The following COG6 variants were observed in gnomAD, a reference collection of about 807,000 sequenced individuals.
COG6 encodes the protein conserved oligomeric Golgi complex subunit 6.
COG6 carries 74 observed loss-of-function variants against 88.8 expected under a neutral mutation model. The observed-to-expected ratio is 0.83, with a 90% CI of 0.69 to 1.01. COG6 has a LOEUF of 1.01. Among genes scored for constraint, COG6 ranks in the 50% least tolerant of loss-of-function variants. COG6 has a pLI of 0.00. For missense variants in COG6, 800 were observed against 797.9 expected (o/e 1.00, Z -0.03); for synonymous variants, 286 against 278.7 (o/e 1.03, Z -0.26).
rs1486027140 is a variant in COG6 at position 39,683,492 on chromosome 13, A to C, written c.788+1228A>C. Among the ~76,000 whole-genome samples, 4 of 152,190 alleles carry C rather than the reference A, an allele frequency of 2.6e-5. No individual in the cohort carries two copies. In the East Asian group the frequency reaches 5.8e-4, roughly 22 times the overall value. ...TTAATTGTAAAAGCTTGCACTGGCT[A>C]TTGAATTAGGAGCAACAGCTGGATC... is the stretch of plus-strand genomic sequence containing the variant. On this transcript the variant is annotated intron_variant, in intron 8 of 18. Coordinates refer to ENST00000455146, the MANE Select transcript of COG6 (RefSeq NM_020751.3).
intron 3 of COG6, among the ~76,000 whole-genome samples, chr13:39,664,824 A>G (rs985114680): frequency 6.6e-5 from 10 of 152,190 alleles, no homozygotes; most frequent in Admixed American, 1.3e-4. Flanking sequence ...CTGTTGCACT[A>G]AAAAGCATCA....
rs202115825 is a variant in COG6, at chr13:39,730,689, G to A, written c.1826+3141G>A. Among the ~76,000 whole-genome samples the A allele has an allele frequency of 5.1e-5, 7 of 136,998 alleles. No individual in the cohort carries two copies. In the South Asian group the frequency reaches 9.3e-4, roughly 18 times the overall value. The allele number at this position is 136,998 out of a possible 152,430, so 89.9% of individuals were successfully genotyped here. On this transcript the variant is annotated intron_variant, in intron 18 of 18. Transcript: ENST00000455146. ...CTTAGGAGGCTGAGGCAGGAGAATC[G>A]CTTGAACCCGGGAGGTGGAGGTTGC... is the stretch of plus-strand genomic sequence containing the variant.
At chr13:39,729,707 T>A (rs1470731210) in intron 18 of COG6, among the ~76,000 whole-genome samples, 1 of 152,202 alleles carries the variant, frequency 6.6e-6, no homozygotes, top group Non-Finnish European at 1.5e-5. Context: ...ATAAAACATT[T>A]ATTACATACT....
downstream of COG6, among the ~76,000 whole-genome samples, chr13:39,755,416 T>C (rs952108693): frequency 4.6e-5 from 7 of 152,116 alleles, no homozygotes; most frequent in African/African-American, 9.7e-5. Flanking sequence ...TTGCCTGTTA[T>C]GGAACTCACC....
chr13:39,730,739 C>T (rs200341587), intron 18 of COG6, among the ~76,000 whole-genome samples: 1 of 130,128 alleles, frequency 7.7e-6, no homozygotes, highest in Admixed American at 8.1e-5. Context: ...GCACCACTGC[C>T]CTCCAGCCTG....
At chr13:39,709,647 T>C (rs780742743) in intron 13 of COG6, among the ~76,000 whole-genome samples, 1 of 152,074 alleles carries the variant, frequency 6.6e-6, no homozygotes, top group Non-Finnish European at 1.5e-5. Flanking sequence ...TATTCCATGG[T>C]GTGAGTGTAT....
intron 13 of COG6, among the ~76,000 whole-genome samples, chr13:39,705,381 G>C (rs781688799): frequency 1.5e-4 from 23 of 152,206 alleles, no homozygotes; most frequent in Non-Finnish European, 3.1e-4. Context: ...AAAGCAGTTT[G>C]AAGCACTTGA....
intron 17 of COG6, among the ~76,000 whole-genome samples, chr13:39,725,632 A>G (rs1358174630): frequency 1.3e-5 from 2 of 151,898 alleles, no homozygotes; most frequent in African/African-American, 4.8e-5. Context: ...TGAGACAAAT[A>G]AGAAACATTA....
chr13:39,704,735 A>G (rs1393836158), intron 13 of COG6, among the ~76,000 whole-genome samples: 3 of 152,196 alleles, frequency 2.0e-5, no homozygotes, highest in African/African-American at 7.2e-5. Flanking sequence ...GAAAATGAGG[A>G]AAGAAAGTAA....
At chr13:39,665,186 A>G in intron 4 of COG6, 32 bp downstream of exon 4, 3 of 1,211,474 alleles carry the variant, frequency 2.5e-6, no homozygotes, top group Non-Finnish European at 2.5e-6. Context: ...CACCTTTTCA[A>G]TAATTTGGAG....
intron 18 of COG6, among the ~76,000 whole-genome samples, chr13:39,758,300 C>T (rs1449814049): frequency 6.6e-6 from 1 of 150,800 alleles, no homozygotes; most frequent in Non-Finnish European, 1.5e-5. Flanking sequence ...GAGAAGATTG[C>T]TGGAGGCCAG....
chr13:39,671,267 T>A (rs1282000552), intron 4 of COG6, among the ~76,000 whole-genome samples: 1 of 151,974 alleles, frequency 6.6e-6, no homozygotes, highest in Non-Finnish European at 1.5e-5. Context: ...TTGGTTTAAG[T>A]ATTTTAAAAG....
At chr13:39,686,983 C>T (rs1026633096) in intron 8 of COG6, among the ~76,000 whole-genome samples, 4 of 152,062 alleles carry the variant, frequency 2.6e-5, no homozygotes, top group Non-Finnish European at 4.4e-5. Context: ...CCTTCCTCGG[C>T]CTCCTAAAGT....
chr13:39,745,623 C>G (rs527552263), intron 18 of COG6, among the ~76,000 whole-genome samples: 18 of 152,276 alleles, frequency 1.2e-4, no homozygotes, highest in South Asian at 8.3e-4. Context: ...AATAGGAATG[C>G]TTTTTCACTG....
In COG6 at chr13:39,751,933, C is replaced by T. The variant is rs1217192214; in HGVS notation, c.*840C>T. 2.5e-6 allele frequency: 3 copies of T among 1,218,272 alleles called. No homozygotes were observed. In the South Asian group the frequency reaches 3.8e-5, roughly 15 times the overall value. The allele number at this position is 1,218,272 out of a possible 1,614,324, so 75.5% of individuals were successfully genotyped here. On this transcript the variant is annotated 3_prime_UTR_variant, in exon 19 of 19. Transcript: ENST00000455146. Reference sequence around the variant, plus strand: ...TATGGGTCCTAAATCCAACCAACTACACATTTTATCTGGTGTTCAAACCAA... The same window carrying T: ...TATGGGTCCTAAATCCAACCAACTATACATTTTATCTGGTGTTCAAACCAA...
chr13:39,732,895 G>T (rs916562341), intron 18 of COG6, among the ~76,000 whole-genome samples: 2 of 151,962 alleles, frequency 1.3e-5, no homozygotes, highest in African/African-American at 2.4e-5. Flanking sequence ...AAATACCAAA[G>T]TATACCATAA....
At chr13:39,748,826 A>G (rs1020998693) in intron 18 of COG6, among the ~76,000 whole-genome samples, 1 of 151,894 alleles carries the variant, frequency 6.6e-6, no homozygotes, top group African/African-American at 2.4e-5. Flanking sequence ...AGTTACTCCA[A>G]CTCGTCAAGA....
At chr13:39,671,560 T>C (rs552038998) in intron 4 of COG6, among the ~76,000 whole-genome samples, 1 of 152,060 alleles carries the variant, frequency 6.6e-6, no homozygotes, top group Non-Finnish European at 1.5e-5. Flanking sequence ...TGAAAACTCA[T>C]TTGTCATTTT....
chr13:39,706,856 G>A (rs1420207639), intron 13 of COG6, among the ~76,000 whole-genome samples: 1 of 151,798 alleles, frequency 6.6e-6, no homozygotes, highest in African/African-American at 2.4e-5. Context: ...ACTAATTTTT[G>A]TATTTTTAGT....
Sources: allele counts gnomAD v4.1 joint callset (sites outside exome capture counted in the v4.1 genomes callset), GRCh38; gene constraint gnomAD v4.1.1; transcripts MANE v1.5; gene names NCBI Gene and HGNC (gene_info 2026-07-23, HGNC 2026-07-21).